The following INSL6 variants were observed in gnomAD, a reference collection of about 807,000 sequenced individuals.
The protein encoded by INSL6 is insulin like 6.
Under a neutral mutation model 9.4 loss-of-function variants are expected in INSL6, and 16 were observed. The ratio of observed to expected loss-of-function variants is 1.70; its 90% CI spans 1.15 to 2.59. INSL6 has a LOEUF of 2.59. Ranked by LOEUF, INSL6 falls within the 30% of genes most tolerant of loss-of-function variation. The pLI, the probability that INSL6 is intolerant of heterozygous loss-of-function variation, is 0.00. For synonymous variants in INSL6, 154 were observed against 96.9 expected (o/e 1.59, Z -3.46); for missense variants, 391 against 257.3 (o/e 1.52, Z -3.56).
intron 1 of INSL6, among the ~76,000 whole-genome samples, chr9:5,177,202 C>G (rs1442791736): frequency 2.0e-5 from 3 of 152,050 alleles, no homozygotes; most frequent in African/African-American, 7.2e-5. Context: ...TTGGGACTGA[C>G]TAGGCAAACA....
the INSL6 span, among the ~76,000 whole-genome samples, chr9:5,073,396 ACTT>A: frequency 6.6e-5 from 10 of 152,236 alleles, no homozygotes; most frequent in Admixed American, 1.3e-4. Context: ...CTCTAGTTGT[ACTT>A]CTGTCCTCTA....
At chr9:5,050,573 T>TTTTGTAA in the INSL6 span, 2 of 1,129,222 alleles carry the variant, frequency 1.8e-6, no homozygotes, top group South Asian at 3.1e-5. Context: ...GCCTGGCCAA[T>TTTTGTAA]TTGTATCTTG....
intron 1 of INSL6, among the ~76,000 whole-genome samples, chr9:5,172,188 A>G (rs139739810): frequency 6.6e-6 from 1 of 152,196 alleles, no homozygotes. Flanking sequence ...AAGACCGCAC[A>G]TCTATGACCA....
At chr9:5,151,478 A>G (rs1322434856) in intron 2 of INSL6, among the ~76,000 whole-genome samples, 1 of 151,828 alleles carries the variant, frequency 6.6e-6, no homozygotes, top group Non-Finnish European at 1.5e-5. Flanking sequence ...AGTAAAATGT[A>G]TGGCACAAAC....
the INSL6 span, among the ~76,000 whole-genome samples, chr9:5,115,224 A>C: frequency 6.6e-6 from 1 of 152,178 alleles, no homozygotes; most frequent in Admixed American, 6.5e-5. Context: ...ACAAGAAAAA[A>C]ACAACCCCAT....
chr9:5,044,341 T>C, the INSL6 span: 2 of 983,878 alleles, frequency 2.0e-6, no homozygotes, highest in Non-Finnish European at 1.6e-6. Flanking sequence ...TGACTATATA[T>C]AGATAGTACG....
chr9:5,110,309 TG>T, the INSL6 span: 1 of 152,232 alleles, frequency 6.6e-6, no homozygotes, highest in African/African-American at 2.4e-5. Flanking sequence ...CTCCAGGGGC[TG>T]TTACCACCTT....
At chr9:5,160,201 G>C (rs1342874177), downstream of INSL6, among the ~76,000 whole-genome samples, 7 of 147,754 alleles carry the variant, frequency 4.7e-5, no homozygotes, top group Non-Finnish European at 9.0e-5. Flanking sequence ...AAAAAAGTTA[G>C]GCCACAAAAC....
the INSL6 span, among the ~76,000 whole-genome samples, chr9:5,031,818 C>T: frequency 6.6e-6 from 1 of 152,212 alleles, no homozygotes; most frequent in Non-Finnish European, 1.5e-5. Flanking sequence ...CAGTCTACAG[C>T]TCCCAGCATG....
At chr9:5,044,397 T>C in the INSL6 span, 196 of 1,580,152 alleles carry the variant, frequency 1.2e-4, no homozygotes, top group African/African-American at 2.4e-3. Flanking sequence ...TTTTATTATC[T>C]TGTAGATTTT....
At chr9:5,104,981 C>G in the INSL6 span, among the ~76,000 whole-genome samples, 3 of 152,180 alleles carry the variant, frequency 2.0e-5, no homozygotes, top group Admixed American at 1.3e-4. Flanking sequence ...TGGAAGCATT[C>G]CCTTTGAAAA....
the INSL6 span, among the ~76,000 whole-genome samples, chr9:5,102,753 A>T: frequency 1.3e-5 from 2 of 152,186 alleles, no homozygotes; most frequent in African/African-American, 4.8e-5. Flanking sequence ...ATTCTTAGAG[A>T]AAAAGACTTT....
At chr9:5,077,213 T>C in the INSL6 span, among the ~76,000 whole-genome samples, 6 of 150,224 alleles carry the variant, frequency 4.0e-5, no homozygotes, top group African/African-American at 1.2e-4. Context: ...TTATATATTA[T>C]ACATTTATGT....
chr9:5,113,761 G>C, the INSL6 span: 1 of 166,428 alleles, frequency 6.0e-6, no homozygotes, highest in South Asian at 1.6e-4. Flanking sequence ...TCACCAGCCA[G>C]CTGACTGCCT....
intron 1 of INSL6, among the ~76,000 whole-genome samples, chr9:5,174,719 CAG>C (rs1825258831): frequency 6.6e-6 from 1 of 152,166 alleles, no homozygotes; most frequent in Non-Finnish European, 1.5e-5. Context: ...TTTCAAACTC[CAG>C]ATTTATATAC....
chr9:5,177,571 A>G (rs1825339551), intron 1 of INSL6, among the ~76,000 whole-genome samples: 1 of 152,184 alleles, frequency 6.6e-6, no homozygotes, highest in East Asian at 1.9e-4. Context: ...AAGATATGAC[A>G]GTGCATATCC....
At chr9:5,002,392 C>T in the INSL6 span, among the ~76,000 whole-genome samples, 5 of 151,854 alleles carry the variant, frequency 3.3e-5, no homozygotes, top group East Asian at 5.8e-4. Flanking sequence ...TTCTTCGAAC[C>T]TGGGATTATT....
At chr9:5,121,104 A>G (rs1390712062), downstream of INSL6, among the ~76,000 whole-genome samples, 1 of 152,200 alleles carries the variant, frequency 6.6e-6, no homozygotes, top group Non-Finnish European at 1.5e-5. Flanking sequence ...TAGAAGAGGC[A>G]GAATAGTAGT....
chr9:5,058,801 C>G, the INSL6 span, among the ~76,000 whole-genome samples: 1 of 152,054 alleles, frequency 6.6e-6, no homozygotes. Flanking sequence ...TGTTGCTGAG[C>G]GTCTTTTCAT....
Sources: allele counts gnomAD v4.1 joint callset (sites outside exome capture counted in the v4.1 genomes callset), GRCh38; gene constraint gnomAD v4.1.1; transcripts MANE v1.5; gene names NCBI Gene and HGNC (gene_info 2026-07-23, HGNC 2026-07-21).